Variants in HCN1 observed in about 807,000 individuals in gnomAD.
HCN1 encodes the protein potassium/sodium hyperpolarization-activated cyclic nucleotide-gated channel 1.
A neutral mutation model predicts 78.9 loss-of-function variants in HCN1; 13 were observed. That is an observed-to-expected ratio of 0.16 (90% confidence interval 0.11 to 0.26). The LOEUF (loss-of-function observed/expected upper bound fraction) is 0.26, where lower values mean the gene tolerates loss of function less well. HCN1 is among the 10% of genes least tolerant of loss of function. The probability of loss-of-function intolerance (pLI) is 1.00; values close to 1 mark genes in which losing one functional copy is unlikely to be tolerated. For missense variants in HCN1, 810 were observed against 1,154.3 expected (o/e 0.70, Z 4.32); for synonymous variants, 552 against 455.5 (o/e 1.21, Z -2.70).
At chr5:45,461,463 G>A (rs1333649437) in intron 3 of HCN1, among the ~76,000 whole-genome samples, 1 of 152,162 alleles carries the variant, frequency 6.6e-6, no homozygotes, top group South Asian at 2.1e-4. Context: ...CCCTAAAAGT[G>A]TATGTCTTGA....
At chr5:45,605,973 G>A (rs1345888926) in intron 2 of HCN1, among the ~76,000 whole-genome samples, 2 of 151,928 alleles carry the variant, frequency 1.3e-5, no homozygotes, top group African/African-American at 2.4e-5. Context: ...TCAAAGGTAA[G>A]CATACTTGAT....
At chr5:45,372,255 ATATTTATATATATATTT>A (rs1747411363) in intron 4 of HCN1, among the ~76,000 whole-genome samples, 2 of 72,566 alleles carry the variant, frequency 2.8e-5, no homozygotes, top group East Asian at 1.0e-3. Flanking sequence ...TATATAATAT[ATATTTATATATATATTT>A]ATATATATAA....
intron 4 of HCN1, among the ~76,000 whole-genome samples, chr5:45,365,530 T>G (rs1050019539): frequency 7.9e-5 from 12 of 151,996 alleles, no homozygotes; most frequent in Non-Finnish European, 1.8e-4. Flanking sequence ...TTAAATTATT[T>G]TTTATGGCTG....
At chr5:45,652,638 T>C (rs771381229) in intron 1 of HCN1, among the ~76,000 whole-genome samples, 63 of 152,098 alleles carry the variant, frequency 4.1e-4, no homozygotes, top group Middle Eastern at 3.4e-3. Context: ...ATATCCTGTA[T>C]AGTTAGTGGC....
intron 4 of HCN1, among the ~76,000 whole-genome samples, chr5:45,382,518 G>T (rs1747830606): frequency 6.6e-6 from 1 of 152,058 alleles, no homozygotes; most frequent in Admixed American, 6.6e-5. Context: ...TACACACACA[G>T]ATATACCTGC....
intron 2 of HCN1, among the ~76,000 whole-genome samples, chr5:45,469,674 C>G (rs1043089612): frequency 6.6e-6 from 1 of 151,580 alleles, no homozygotes. Flanking sequence ...TAAAATTTAT[C>G]CTGAGAATTC....
At chr5:45,363,132 T>C (rs1561124357) in intron 4 of HCN1, among the ~76,000 whole-genome samples, 1 of 116,064 alleles carries the variant, frequency 8.6e-6, no homozygotes, top group South Asian at 3.1e-4. Context: ...ATATAACATA[T>C]TATATATATA....
intron 5 of HCN1, among the ~76,000 whole-genome samples, chr5:45,340,375 C>T (rs570948472): frequency 1.3e-5 from 2 of 152,144 alleles, no homozygotes; most frequent in Non-Finnish European, 2.9e-5. Context: ...TGTTGTCTTT[C>T]TGCAGTCTTT....
intron 3 of HCN1, among the ~76,000 whole-genome samples, chr5:45,401,589 C>T (rs1039554100): frequency 9.3e-5 from 14 of 151,252 alleles, no homozygotes; most frequent in Non-Finnish European, 1.9e-4. Flanking sequence ...TTCCTATGTC[C>T]TGAATGTTTT....
intron 3 of HCN1, among the ~76,000 whole-genome samples, chr5:45,397,602 T>G (rs1739712655): frequency 2.6e-5 from 4 of 151,730 alleles, no homozygotes; most frequent in Non-Finnish European, 5.9e-5. Context: ...AAAATGAAAA[T>G]GAGGGGGCTC....
At chr5:45,490,766 A>G (rs1741865038) in intron 2 of HCN1, among the ~76,000 whole-genome samples, 1 of 152,170 alleles carries the variant, frequency 6.6e-6, no homozygotes, top group African/African-American at 2.4e-5. Context: ...AAAAACTTAA[A>G]TAAAGATGAG....
intron 2 of HCN1, among the ~76,000 whole-genome samples, chr5:45,549,059 T>C (rs1305245767): frequency 5.9e-5 from 9 of 151,402 alleles, no homozygotes; most frequent in African/African-American, 1.9e-4. Context: ...ATCATGAAAA[T>C]GGCCATACTG....
chr5:45,455,784 G>A (rs1741017893), intron 3 of HCN1, among the ~76,000 whole-genome samples: 2 of 146,164 alleles, frequency 1.4e-5, no homozygotes, highest in Admixed American at 1.4e-4. Context: ...AAAAAAAAAG[G>A]GTTGAGGGCA....
At chr5:45,454,222 G>T (rs983863027) in intron 3 of HCN1, among the ~76,000 whole-genome samples, 1 of 151,964 alleles carries the variant, frequency 6.6e-6, no homozygotes, top group Non-Finnish European at 1.5e-5. Context: ...TCCTGTAAGA[G>T]AATCCACATC....
At chr5:45,592,946 G>A (rs1744405054) in intron 2 of HCN1, among the ~76,000 whole-genome samples, 2 of 151,990 alleles carry the variant, frequency 1.3e-5, no homozygotes, top group African/African-American at 2.4e-5. Flanking sequence ...CATGAACCAC[G>A]TTGTTTTCAT....
chr5:45,519,183 G>A (rs1040599766), intron 2 of HCN1, among the ~76,000 whole-genome samples: 2 of 151,882 alleles, frequency 1.3e-5, no homozygotes, highest in Non-Finnish European at 2.9e-5. Context: ...ACAACAAAAA[G>A]TCTGGCTACT....
chr5:45,627,418 T>G (rs1745191250), intron 2 of HCN1, among the ~76,000 whole-genome samples: 2 of 152,188 alleles, frequency 1.3e-5, no homozygotes, highest in Admixed American at 1.3e-4. Context: ...TCATTATGAT[T>G]TGCATTATAC....
intron 1 of HCN1, among the ~76,000 whole-genome samples, chr5:45,683,793 CCCAAGT>C (rs141115211): frequency 0.01 from 1,554 of 152,116 alleles, 28 homozygotes; most frequent in African/African-American, 0.036. Flanking sequence ...ACCCCAGCCT[CCCAAGT>C]TGCTGGGACT....
chr5:45,322,904 G>A lies in HCN1; in HGVS notation c.1378-19065C>T, dbSNP rs80271673. ...GAAACCTACTACTACTAAGAGGTAT[G>A]CAGTCTGTTCCTTGAGCAACCTTGT... On this transcript the variant is annotated intron_variant, in intron 5 of 7. Transcript: ENST00000303230. Among the ~76,000 whole-genome samples, 732 of 151,926 alleles carry A rather than the reference G, an allele frequency of 4.8e-3. 3 individuals are homozygous for A. Among genetic ancestry groups the A allele is most frequent in the African/African-American group, 0.017 (699 of 41,504 alleles).
Sources: gnomAD v4.1 joint callset for allele counts (sites outside exome capture counted in the v4.1 genomes callset) on GRCh38, gnomAD v4.1.1 for gene constraint, MANE v1.5 for transcripts, NCBI Gene and HGNC (gene_info 2026-07-23, HGNC 2026-07-21) for gene names.